The following ACADVL variants were observed in gnomAD, a reference collection of about 807,000 sequenced individuals.
ACADVL encodes acyl-CoA dehydrogenase very long chain.
In ACADVL, 73 loss-of-function variants were observed where a neutral mutation model predicts 80.4. The ratio of observed to expected loss-of-function variants is 0.91; its 90% CI spans 0.75 to 1.10. ACADVL has a LOEUF of 1.10. Among genes scored for constraint, ACADVL ranks in the 50% least tolerant of loss-of-function variants. The probability of loss-of-function intolerance (pLI) is 0.00; values close to 1 mark genes in which losing one functional copy is unlikely to be tolerated. For synonymous variants in ACADVL, 392 were observed against 326.5 expected, an observed-to-expected ratio of 1.20 and a Z score of -2.16; for missense variants, 878 against 858.9, an observed-to-expected ratio of 1.02 and a Z score of -0.28.
At chr17:7,221,771 T>C in intron 7 of ACADVL, 89 bp downstream of exon 7, 1 of 1,604,094 alleles carries the variant, frequency 6.2e-7, no homozygotes, top group Non-Finnish European at 8.5e-7. Context: ...ATCAGATGGC[T>C]GAGCATTTCA....
upstream of ACADVL, chr17:7,218,584 T>C: frequency 6.4e-7 from 1 of 1,566,086 alleles, no homozygotes; most frequent in Non-Finnish European, 8.7e-7. Context: ...CTGTGAGGAG[T>C]GGGGGTGCCC....
At chr17:7,219,830 G>T, upstream of ACADVL, 10 of 1,536,368 alleles carry the variant, frequency 6.5e-6, no homozygotes, top group Non-Finnish European at 8.7e-6. Context: ...GGGCTCCAGG[G>T]AACTACAGCT....
At position 7,220,381 on chromosome 17, in the gene ACADVL, C is replaced by A. The variant is rs1041233613; in HGVS notation, c.139-83C>A. 1.0e-5 allele frequency: 16 copies of A among 1,597,360 alleles called. No individual in the cohort carries two copies. The African/African-American group carries it at 2.1e-4, about 21-fold the overall frequency. On this transcript the variant is annotated intron_variant, in intron 2 of 19. Transcript: ENST00000356839. ...GGGGAAAGGTCACCGCTTCGCGCCG[C>A]CTCCCCGCGCGGCTCTCGCCTGTTC... is the stretch of plus-strand genomic sequence containing the variant.
At position 7,224,081 on chromosome 17, in the gene ACADVL, A is replaced by G. The variant is rs769939405; in HGVS notation, c.1434+12A>G. The G allele has an allele frequency of 1.2e-6, 2 of 1,613,834 alleles. No homozygotes were observed. Among genetic ancestry groups the G allele is most frequent in the Non-Finnish European group, 1.7e-6 (2 of 1,179,896 alleles). On this transcript the variant is annotated intron_variant, in intron 14 of 19. Coordinates refer to ENST00000356839, the MANE Select transcript of ACADVL (RefSeq NM_000018.4). The stretch of plus-strand genomic sequence containing the variant: ...TGCAGGGCTGTATGGTAAGACAGAG[A>G]ATTGGGTGGGGGTAGAGGTGGGGAG...
At chr17:7,217,561 T>TG (rs1268365527), upstream of ACADVL, 20 of 71,082 alleles carry the variant, frequency 2.8e-4, no homozygotes, top group South Asian at 6.9e-4. Context: ...GGGAGTGGGG[T>TG]GGGGGGGTTG....
At chr17:7,217,438 C>A (rs2070975422), upstream of ACADVL, 1 of 148,462 alleles carries the variant, frequency 6.7e-6, no homozygotes. Context: ...CTGGCAGCCC[C>A]GGAGTTCGGG....
chr17:7,220,154 G>GGCCCGGCCCT lies in ACADVL; in HGVS notation c.103_112dup (p.Arg38ProfsTer24), dbSNP rs1329022268. On this transcript the variant is annotated frameshift_variant, in exon 2 of 20. Transcript: ENST00000356839. LOFTEE classifies it high-confidence loss of function. ...CTCACGGCGCTCCTGGGGCAGCCCC[G>GGCCCGGCCCT]GCCCGGCCCTGCCCGGCGGCCCTAT... 1 of 1,545,602 alleles carries GGCCCGGCCCT rather than the reference G, an allele frequency of 6.5e-7. No homozygotes were observed. The highest frequency in any genetic ancestry group is 1.9e-4 in the Middle Eastern group (1 of 5,188).
upstream of ACADVL, chr17:7,217,747 A>C (rs930202899): frequency 3.3e-6 from 5 of 1,535,246 alleles, no homozygotes; most frequent in Admixed American, 2.0e-5. Context: ...AGATAGAAGC[A>C]GAAGCACAGA....
At chr17:7,221,831 C>CAA (rs1302742477) in intron 7 of ACADVL, 121 bp from the exon 8 acceptor site, 1 of 1,589,574 alleles carries the variant, frequency 6.3e-7, no homozygotes, top group Non-Finnish European at 8.6e-7. Context: ...TTGGGACATG[C>CAA]AAAAGAACTG....
upstream of ACADVL, chr17:7,218,230 C>G (rs1377627972): frequency 6.2e-7 from 1 of 1,606,758 alleles, no homozygotes; most frequent in African/African-American, 1.3e-5. Flanking sequence ...CGCTCGCCCC[C>G]ACCTCCTTAC....
In ACADVL at chr17:7,222,062, G is replaced by A; in HGVS notation, c.733G>A (p.Gly245Arg). The A allele has an allele frequency of 6.2e-7, 1 of 1,614,134 alleles. No individual in the cohort carries two copies. The highest frequency in any genetic ancestry group is 8.5e-7 in the Non-Finnish European group (1 of 1,180,022). Residue 245 changes from glycine (G) to arginine (R), a missense_variant, in exon 8 of 20, where the codon GGA becomes AGA. Coordinates refer to ENST00000356839, the MANE Select transcript of ACADVL (RefSeq NM_000018.4). The stretch of plus-strand genomic sequence containing the variant: ...CTGTGGAAAATACTATACCCTCAAT[G>A]GAAGCAAGCTTTGGATCAGGCAACC... ...SPCGKYYTLNGSKLWISNGGL... is the reference protein window; with the variant it reads ...SPCGKYYTLNRSKLWISNGGL...
In ACADVL at chr17:7,223,687, C is replaced by G. The variant is rs113994169; in HGVS notation, c.1226C>G (p.Thr409Arg). ...MVSANMDQGATDFQIEAAISK... is the reference protein window; with the variant it reads ...MVSANMDQGARDFQIEAAISK... Reference sequence around the variant, plus strand: ...AGTGCTAACATGGACCAGGGAGCCACGGACTTCCAGATAGAGGCCGCCATC... The same window carrying G: ...AGTGCTAACATGGACCAGGGAGCCAGGGACTTCCAGATAGAGGCCGCCATC... Residue 409 changes from threonine (T) to arginine (R), a missense_variant, in exon 12 of 20, where the codon ACG becomes AGG. Thr to Arg is a moderately conservative substitution (Grantham distance 71). Coordinates refer to ENST00000356839, the MANE Select transcript of ACADVL (RefSeq NM_000018.4). 6.2e-7 allele frequency: 1 copy of G among 1,614,002 alleles called. No individual in the cohort carries two copies. Among genetic ancestry groups the G allele is most frequent in the Admixed American group, 1.7e-5 (1 of 60,002 alleles).
At chr17:7,221,226 T>TC in intron 6 of ACADVL, 168 bp downstream of exon 6, 11 of 1,214,900 alleles carry the variant, frequency 9.1e-6, no homozygotes, top group Middle Eastern at 2.8e-4. Flanking sequence ...TTACATGCAG[T>TC]CCCCTAGGCC....
At position 7,222,825 on chromosome 17, in the gene ACADVL, C is replaced by T. The variant is rs1303150138; in HGVS notation, c.1037C>T (p.Ala346Val). 1.1e-5 allele frequency: 17 copies of T among 1,613,212 alleles called. 1 individual carries two copies. Among genetic ancestry groups the T allele is most frequent in the South Asian group, 3.3e-5 (3 of 91,038 alleles). Residue 346 changes from alanine (A) to valine (V), a missense_variant, in exon 10 of 20, where the codon GCG (alanine) becomes GTG (valine). By Grantham distance (64) the Ala-to-Val change is moderately conservative. Transcript: ENST00000356839. ...ILNNGRFGMA[A>V]ALAGTMRGII... ...AACAATGGAAGGTTTGGCATGGCTG[C>T]GGCCCTGGCAGGTACCATGAGAGGC...
In ACADVL at chr17:7,222,291, G is replaced by T. The variant is rs745557512; in HGVS notation, c.867G>T (p.Gly289=). 1.6e-5 allele frequency: 26 copies of T among 1,613,902 alleles called. No homozygotes were observed. The highest frequency in any genetic ancestry group is 8.8e-5 in the South Asian group (8 of 91,078). Residue 289 remains glycine, a synonymous_variant, in exon 9 of 20, where the codon GGG becomes GGT. Transcript: ENST00000356839. ...ITAFVVERGF[G]GITHGPPEKK... is the part of the protein sequence containing the mutation. The stretch of plus-strand genomic sequence containing the variant: ...CTTTTGTGGTGGAGAGGGGCTTCGG[G>T]GGCATTACCCAGTGAGTGAATTTGG...
chr17:7,217,686 T>C, upstream of ACADVL: 1 of 1,515,118 alleles, frequency 6.6e-7, no homozygotes, highest in Non-Finnish European at 8.8e-7. Flanking sequence ...GGGGGTGCCT[T>C]GGCAGAGTTA....
chr17:7,217,699 T>A, upstream of ACADVL: 1 of 1,531,398 alleles, frequency 6.5e-7, no homozygotes, highest in Non-Finnish European at 8.7e-7. Flanking sequence ...CAGAGTTAAC[T>A]CCTTCTGTGC....
chr17:7,219,555 GTC>G (rs752243826), upstream of ACADVL: 387 of 1,103,490 alleles, frequency 3.5e-4, no homozygotes, highest in Admixed American at 4.6e-4. Context: ...GAACCCTAGA[GTC>G]TGTCTTTCCA....
In ACADVL at chr17:7,221,643, A is replaced by G. The variant is rs199763196; in HGVS notation, c.583A>G (p.Lys195Glu). 97 of 1,614,052 alleles carry G rather than the reference A, an allele frequency of 6.0e-5. No homozygotes were observed. The highest frequency in any genetic ancestry group is 8.0e-5 in the Non-Finnish European group (94 of 1,180,040). Reference protein sequence around the residue: ...GFKGILLFGTKAQKEKYLPKL... With the variant: ...GFKGILLFGTEAQKEKYLPKL... ...CAAAGGCATCCTGCTCTTTGGCACA[A>G]AGGCCCAGAAAGAAAAATACCTCCC... The change falls in exon 7 of 20, where the codon AAG becomes GAG. Residue 195 changes from lysine to glutamate, a missense_variant. Lys to Glu is a moderately conservative substitution (Grantham distance 56). Coordinates refer to ENST00000356839, the MANE Select transcript of ACADVL (RefSeq NM_000018.4).
Sources: allele counts gnomAD v4.1 joint callset, GRCh38; gene constraint gnomAD v4.1.1; transcripts MANE v1.5; gene names NCBI Gene and HGNC (gene_info 2026-07-23, HGNC 2026-07-21).